SIPA1L1: variants seen among roughly 807,000 people sequenced by gnomAD.
SIPA1L1 encodes the protein signal-induced proliferation-associated 1-like protein 1.
In SIPA1L1, 26 loss-of-function variants were observed where a neutral mutation model predicts 162.7. The ratio of observed to expected loss-of-function variants is 0.16; its 90% CI spans 0.12 to 0.22. The LOEUF (loss-of-function observed/expected upper bound fraction) is 0.22. Among genes scored for constraint, SIPA1L1 ranks in the 10% least tolerant of loss-of-function variants. The pLI is 1.00. For synonymous variants in SIPA1L1, 829 were observed against 837.4 expected, an observed-to-expected ratio of 0.99 and a Z score of 0.17; for missense variants, 1,874 against 2,241.0, an observed-to-expected ratio of 0.84 and a Z score of 3.31.
At chr14:71,373,327 A>C (rs2039067078) in intron 2 of SIPA1L1, among the ~76,000 whole-genome samples, 1 of 150,566 alleles carries the variant, frequency 6.6e-6, no homozygotes, top group Admixed American at 6.6e-5. Flanking sequence ...AAAAAAAAAA[A>C]AGTTACCAGT....
intron 2 of SIPA1L1, among the ~76,000 whole-genome samples, chr14:71,505,256 T>C (rs749292722): frequency 1.3e-5 from 2 of 152,120 alleles, no homozygotes; most frequent in Non-Finnish European, 2.9e-5. Context: ...TAATAAGCAG[T>C]TCTCTGTGTA....
At chr14:71,563,560 T>A (rs2056958523) in intron 4 of SIPA1L1, among the ~76,000 whole-genome samples, 1 of 152,248 alleles carries the variant, frequency 6.6e-6, no homozygotes, top group Non-Finnish European at 1.5e-5. Flanking sequence ...TATCTTCAAA[T>A]GATTTTGAGT....
intron 2 of SIPA1L1, among the ~76,000 whole-genome samples, chr14:71,467,852 T>TAAAA (rs11394096): frequency 7.4e-6 from 1 of 135,780 alleles, no homozygotes; most frequent in Non-Finnish European, 1.6e-5. Flanking sequence ...CCCCATCTCT[T>TAAAA]AAAAAAAAAA....
chr14:71,733,829 C>T lies in SIPA1L1; in HGVS notation c.5008+17C>T. 1 of 1,609,800 alleles carries T rather than the reference C, an allele frequency of 6.2e-7. No individual in the cohort carries two copies. The highest frequency in any genetic ancestry group is 8.5e-7 in the Non-Finnish European group (1 of 1,178,768). ...CCTATGAGGGTGAGTCCACTGAATC[C>T]ACACAAGACAGCCCAGGATCCTGCA... On this transcript the variant is annotated intron_variant, in intron 21 of 23. Coordinates refer to ENST00000381232, the MANE Select transcript of SIPA1L1 (RefSeq NM_001386936.1).
intron 5 of SIPA1L1, among the ~76,000 whole-genome samples, chr14:71,612,785 C>A (rs2038380719): frequency 6.6e-6 from 1 of 152,198 alleles, no homozygotes; most frequent in South Asian, 2.1e-4. Context: ...TGTACCTGAT[C>A]TAATTACTTT....
At chr14:71,667,218 C>T (rs368627146) in intron 10 of SIPA1L1, among the ~76,000 whole-genome samples, 3 of 152,254 alleles carry the variant, frequency 2.0e-5, no homozygotes, top group South Asian at 4.1e-4. Context: ...TCTGCCCCTC[C>T]GCTCTGCACA....
intron 4 of SIPA1L1, among the ~76,000 whole-genome samples, chr14:71,538,892 CTGT>C (rs1422110614): frequency 6.6e-6 from 1 of 152,154 alleles, no homozygotes; most frequent in Non-Finnish European, 1.5e-5. Context: ...GTTCTTCAGA[CTGT>C]TTTTTGTTTG....
chr14:71,444,640 G>C (rs1244300867), intron 2 of SIPA1L1, among the ~76,000 whole-genome samples: 2 of 152,100 alleles, frequency 1.3e-5, no homozygotes, highest in Non-Finnish European at 2.9e-5. Flanking sequence ...ACTGTGAAAA[G>C]CAAGACTGAC....
Position 71,646,322 on chromosome 14 carries a change from G to T in SIPA1L1, c.1819-4013G>T, listed in dbSNP as rs183362814. Reference sequence around the variant, plus strand: ...CTCCCGAGTAGCTGGGACTACAGGTGCCCGCCACCACGCCCGGCTAATTTT... The same window carrying T: ...CTCCCGAGTAGCTGGGACTACAGGTTCCCGCCACCACGCCCGGCTAATTTT... On this transcript the variant is annotated intron_variant, in intron 7 of 23. Transcript: ENST00000381232. Among the ~76,000 whole-genome samples, 1,275 of 152,040 alleles carry T rather than the reference G, an allele frequency of 8.4e-3. 45 individuals carry two copies. Among genetic ancestry groups the T allele is most frequent in the Admixed American group, 0.061 (937 of 15,278 alleles).
At chr14:71,711,742 A>G (rs146747837) in intron 17 of SIPA1L1, among the ~76,000 whole-genome samples, 2,459 of 152,330 alleles carry the variant, frequency 0.016, 37 homozygotes, top group South Asian at 0.058. Flanking sequence ...AGCTGCCTGA[A>G]GGCCTCAAAG....
intron 8 of SIPA1L1, among the ~76,000 whole-genome samples, chr14:71,657,481 T>A (rs966428460): frequency 6.6e-6 from 1 of 152,112 alleles, no homozygotes. Flanking sequence ...GTTGGGAAGT[T>A]AATAACTTTT....
intron 2 of SIPA1L1, among the ~76,000 whole-genome samples, chr14:71,444,609 A>T (rs188753628): frequency 2.6e-5 from 4 of 152,214 alleles, no homozygotes; most frequent in Admixed American, 6.5e-5. Context: ...TTTTGTAAAG[A>T]CAGTAAGTGT....
At chr14:71,550,948 C>A (rs1458711799) in intron 4 of SIPA1L1, among the ~76,000 whole-genome samples, 1 of 152,128 alleles carries the variant, frequency 6.6e-6, no homozygotes, top group Non-Finnish European at 1.5e-5. Context: ...ACAGCTAGTT[C>A]CAGCTAGTGC....
intron 7 of SIPA1L1, among the ~76,000 whole-genome samples, chr14:71,637,346 G>C (rs1400529884): frequency 6.6e-6 from 1 of 152,018 alleles, no homozygotes; most frequent in Non-Finnish European, 1.5e-5. Flanking sequence ...AGAGTACATT[G>C]TACATTCACT....
intron 7 of SIPA1L1, among the ~76,000 whole-genome samples, chr14:71,624,474 C>A (rs533900931): frequency 9.2e-5 from 14 of 152,218 alleles, no homozygotes; most frequent in Admixed American, 5.2e-4. Flanking sequence ...ACGTTAAATT[C>A]TTTTGATAAT....
chr14:71,433,643 G>A (rs1295565064), intron 2 of SIPA1L1, among the ~76,000 whole-genome samples: 1 of 152,108 alleles, frequency 6.6e-6, no homozygotes, highest in Non-Finnish European at 1.5e-5. Flanking sequence ...TAAGCATGCT[G>A]TCCATGAGTT....
chr14:71,671,002 A>G (rs1033786819), intron 10 of SIPA1L1, 117 bp from the exon 11 acceptor site: 14 of 797,288 alleles, frequency 1.8e-5, no homozygotes, highest in Middle Eastern at 2.7e-4. Context: ...TCTCATGGAA[A>G]AATAAGCAGC....
intron 2 of SIPA1L1, among the ~76,000 whole-genome samples, chr14:71,403,519 G>C (rs2041824636): frequency 7.0e-6 from 1 of 143,122 alleles, no homozygotes; most frequent in African/African-American, 2.6e-5. Flanking sequence ...AGAATCGCTT[G>C]AACCCAGGTG....
At chr14:71,437,997 T>C (rs2044530926) in intron 2 of SIPA1L1, among the ~76,000 whole-genome samples, 1 of 152,206 alleles carries the variant, frequency 6.6e-6, no homozygotes, top group Admixed American at 6.5e-5. Context: ...CACATACTGT[T>C]TTTTTCAGTA....
Sources: allele counts gnomAD v4.1 joint callset (sites outside exome capture counted in the v4.1 genomes callset), GRCh38; gene constraint gnomAD v4.1.1; transcripts MANE v1.5; gene names NCBI Gene and HGNC (gene_info 2026-07-23, HGNC 2026-07-21).